The following SLC6A3 variants were observed in gnomAD, a reference collection of about 807,000 sequenced individuals.
SLC6A3 encodes sodium-dependent dopamine transporter.
SLC6A3 carries 19 observed loss-of-function variants against 70.4 expected under a neutral mutation model. That is an observed-to-expected ratio of 0.27 (90% CI 0.19 to 0.40). The LOEUF (loss-of-function observed/expected upper bound fraction) is 0.40. Among genes scored for constraint, SLC6A3 ranks in the 10% least tolerant of loss-of-function variants. SLC6A3 has a pLI of 1.00. For synonymous variants in SLC6A3, 368 were observed against 356.6 expected (o/e 1.03, Z -0.36); for missense variants, 613 against 838.5 (o/e 0.73, Z 3.32).
chr5:1,414,170 C>T (rs1177457961), intron 8 of SLC6A3, among the ~76,000 whole-genome samples: 1 of 152,064 alleles, frequency 6.6e-6, no homozygotes, highest in Non-Finnish European at 1.5e-5. Flanking sequence ...CAGCTCATTC[C>T]TCCCCTTCCC....
rs1755630312 is a variant in SLC6A3 at position 1,393,536 on chromosome 5, G to A, written c.*1199C>T. The A allele has an allele frequency of 6.5e-6, 1 of 154,512 alleles. No individual in the cohort carries two copies. The highest frequency in any genetic ancestry group is 1.5e-5 in the Non-Finnish European group (1 of 68,252). The allele number at this position is 154,512 out of a possible 1,614,324, so 9.6% of individuals were successfully genotyped here. On this transcript the variant is annotated 3_prime_UTR_variant, in exon 15 of 15. Coordinates refer to ENST00000270349, the MANE Select transcript of SLC6A3 (RefSeq NM_001044.5). ...ATTCCAGTGGGGTCCCTTCCTGGAG[G>A]TCACGGCTCAAGGCCAGGCAGAGTG...
At chr5:1,403,175 A>G in intron 12 of SLC6A3, 86 bp from the exon 13 acceptor site, 8 of 1,442,076 alleles carry the variant, frequency 5.5e-6, no homozygotes, top group Non-Finnish European at 7.6e-6. Context: ...TTCATGGCAG[A>G]GCGTCTCTCA....
chr5:1,414,613 C>A, intron 8 of SLC6A3, 78 bp downstream of exon 8: 1 of 1,549,986 alleles, frequency 6.5e-7, no homozygotes. Flanking sequence ...CTTCCTCTTT[C>A]ACAAGGAAAA....
intron 7 of SLC6A3, 127 bp from the exon 8 acceptor site, chr5:1,414,942 C>T: frequency 8.4e-7 from 1 of 1,197,076 alleles, no homozygotes; most frequent in Non-Finnish European, 1.2e-6. Context: ...GCTACTTTTC[C>T]CAGTGAGCAC....
intron 1 of SLC6A3, among the ~76,000 whole-genome samples, chr5:1,444,870 C>A (rs11564752): frequency 0.066 from 10,069 of 152,344 alleles, 444 homozygotes; most frequent in Non-Finnish European, 0.096. Context: ...CCGGCCTCCC[C>A]GCCCTGCCCA....
At position 1,436,881 on chromosome 5, in the gene SLC6A3, G is replaced by A. The variant is rs532115627; in HGVS notation, c.419-4183C>T. Reference sequence around the variant, plus strand: ...GAGAGGGTGTTGTCAACGCATGCACGGATCCCGCTGGAGGAAGCCTCTGGT... The same window carrying A: ...GAGAGGGTGTTGTCAACGCATGCACAGATCCCGCTGGAGGAAGCCTCTGGT... On this transcript the variant is annotated intron_variant, in intron 3 of 14. Coordinates refer to ENST00000270349, the MANE Select transcript of SLC6A3 (RefSeq NM_001044.5). The surrounding 1 kb of genome is among the most constrained non-coding windows in gnomAD (Gnocchi z 5.2). 2.6e-5 allele frequency among the ~76,000 whole-genome samples: 4 copies of A among 152,244 alleles called. No individual in the cohort carries two copies. The highest frequency in any genetic ancestry group is 7.2e-5 in the African/African-American group (3 of 41,548).
In SLC6A3 at chr5:1,432,661, G is replaced by A. The variant is rs147399016; in HGVS notation, c.456C>T (p.Val152=). ...CGATGATGACGTTGTAGAAGAAGCC[G>A]ACATACAGTGAGATGAGGATGACCG... ...GFTVILISLY[V]GFFYNVIIAW... is the part of the protein sequence containing the mutation. Residue 152 remains valine (V), a synonymous_variant, in exon 4 of 15, where the codon GTC becomes GTT. Coordinates refer to ENST00000270349, the MANE Select transcript of SLC6A3 (RefSeq NM_001044.5). 233 of 1,614,146 alleles carry A rather than the reference G, an allele frequency of 1.4e-4. No individual in the cohort carries two copies. Among genetic ancestry groups the A allele is most frequent in the African/African-American group, 1.2e-3 (90 of 75,044 alleles).
intron 12 of SLC6A3, among the ~76,000 whole-genome samples, chr5:1,403,465 C>CTCCCA: frequency 6.8e-6 from 1 of 148,104 alleles, no homozygotes; most frequent in South Asian, 2.2e-4. Flanking sequence ...CACCCCTCCC[C>CTCCCA]TCCCATCCCA....
chr5:1,444,171 G>C (rs1037206967), intron 1 of SLC6A3, among the ~76,000 whole-genome samples: 1 of 152,190 alleles, frequency 6.6e-6, no homozygotes, highest in East Asian at 1.9e-4. Context: ...GCGGAGGATG[G>C]ACAGGGCTTC....
At chr5:1,395,805 C>A (rs1296793470) in intron 14 of SLC6A3, among the ~76,000 whole-genome samples, 1 of 152,260 alleles carries the variant, frequency 6.6e-6, no homozygotes, top group Non-Finnish European at 1.5e-5. Flanking sequence ...CTGTTCCCCC[C>A]AGGGTGAAGC....
At chr5:1,422,732 G>A (rs1453531537) in intron 4 of SLC6A3, among the ~76,000 whole-genome samples, 26 of 56,508 alleles carry the variant, frequency 4.6e-4, no homozygotes, top group South Asian at 2.1e-3. Flanking sequence ...GGTGCTGGGT[G>A]CCCACCGCTG....
rs570950787 is a variant in SLC6A3, at chr5:1,437,028, G to A, written c.419-4330C>T. On this transcript the variant is annotated intron_variant, in intron 3 of 14. Transcript: ENST00000270349. This position sits in a 1 kb window ranked among gnomAD's most constrained non-coding sequence, Gnocchi z 4.8. ...GCACTTTGGGAGGCCAAGGCAGGCG[G>A]ATCATGAGGTCAGGCAATCGAGACC... is the stretch of plus-strand genomic sequence containing the variant. Among the ~76,000 whole-genome samples, 16 of 152,288 alleles carry A rather than the reference G, an allele frequency of 1.1e-4. No homozygotes were observed. In the East Asian group the frequency reaches 1.4e-3, roughly 13 times the overall value.
In SLC6A3 at chr5:1,421,962, G is replaced by A; in HGVS notation, c.706C>T (p.Pro236Ser). Residue 236 changes from proline (P) to serine (S), a missense_variant, in exon 5 of 15, where the codon CCG (proline) becomes TCG (serine). Coordinates refer to ENST00000270349, the MANE Select transcript of SLC6A3 (RefSeq NM_001044.5). This position sits in a 1 kb window ranked among gnomAD's most constrained non-coding sequence, Gnocchi z 7.2. ...QSHGIDDLGPPRWQLTACLVL... is the reference protein window; with the variant it reads ...QSHGIDDLGPSRWQLTACLVL... ...AGGCAGGCTGTGAGCTGCCACCGCG[G>A]AGGCCCCAGGTCGTCGATGCCATGG... is the stretch of plus-strand genomic sequence containing the variant. The A allele has an allele frequency of 6.2e-7, 1 of 1,613,188 alleles. No individual in the cohort carries two copies. The highest frequency in any genetic ancestry group is 8.5e-7 in the Non-Finnish European group (1 of 1,180,038).
chr5:1,394,660 A>G lies in SLC6A3; in HGVS notation c.*75T>C. Reference sequence around the variant, plus strand: ...TAGAAGTTGCCCTCCTTTCTCTCGAAACTTAGATTTCCTTGGTTTGTTCGT... The same window carrying G: ...TAGAAGTTGCCCTCCTTTCTCTCGAGACTTAGATTTCCTTGGTTTGTTCGT... On this transcript the variant is annotated 3_prime_UTR_variant, in exon 15 of 15. Transcript: ENST00000270349. The surrounding 1 kb of genome is among the most constrained non-coding windows in gnomAD (Gnocchi z 4.7). 6.7e-7 allele frequency: 1 copy of G among 1,483,806 alleles called. No individual in the cohort carries two copies. The highest frequency in any genetic ancestry group is 2.3e-5 in the East Asian group (1 of 44,274). The allele number at this position is 1,483,806 out of a possible 1,614,324, so 91.9% of individuals were successfully genotyped here.
In SLC6A3 at chr5:1,394,990, T is replaced by A. The variant is rs1200800887; in HGVS notation, c.1840-232A>T. Among the ~76,000 whole-genome samples the A allele has an allele frequency of 2.0e-5, 3 of 152,216 alleles. No individual in the cohort carries two copies. The highest frequency in any genetic ancestry group is 6.5e-5 in the Admixed American group (1 of 15,288). ...ACAAATCAATCATTACTTGATTTTTTAAAAAGCCGCGAGACTGTGGTTGGC... is the reference window on the plus strand; with the variant it reads ...ACAAATCAATCATTACTTGATTTTTAAAAAAGCCGCGAGACTGTGGTTGGC... On this transcript the variant is annotated intron_variant, in intron 14 of 14. Coordinates refer to ENST00000270349, the MANE Select transcript of SLC6A3 (RefSeq NM_001044.5). The surrounding 1 kb of genome is among the most constrained non-coding windows in gnomAD (Gnocchi z 4.7).
At chr5:1,416,021 G>A (rs1579711133) in intron 7 of SLC6A3, 77 bp downstream of exon 7, 1 of 1,114,332 alleles carries the variant, frequency 9.0e-7, no homozygotes, top group Non-Finnish European at 1.4e-6. Context: ...TCTCATCCAG[G>A]GACACCCTAT....
chr5:1,430,366 C>G (rs183882191), intron 4 of SLC6A3, among the ~76,000 whole-genome samples: 15 of 152,370 alleles, frequency 9.8e-5, no homozygotes, highest in Non-Finnish European at 1.9e-4. Context: ...GGGTGGCCCC[C>G]CAAAACCTGC....
chr5:1,417,724 A>AC (rs918418382), intron 6 of SLC6A3, among the ~76,000 whole-genome samples: 3 of 151,882 alleles, frequency 2.0e-5, no homozygotes, highest in South Asian at 2.1e-4. Flanking sequence ...GGAGCAGCCA[A>AC]CCCCCCCTTG....
At chr5:1,422,560 CCA>C (rs67718451) in intron 4 of SLC6A3, among the ~76,000 whole-genome samples, 245 of 73,834 alleles carry the variant, frequency 3.3e-3, no homozygotes, top group East Asian at 0.014. Context: ...CCACCGCTGC[CCA>C]CAGTGCTGCC....
Sources: allele counts gnomAD v4.1 joint callset (sites outside exome capture counted in the v4.1 genomes callset), GRCh38; gene constraint gnomAD v4.1.1; non-coding constraint Gnocchi (gnomAD v3.1); transcripts MANE v1.5; gene names NCBI Gene and HGNC (gene_info 2026-07-23, HGNC 2026-07-21).